The following EIF4E2 variants were observed in gnomAD, a reference collection of about 807,000 sequenced individuals.
EIF4E2 encodes the protein eukaryotic translation initiation factor 4E family member 2.
In EIF4E2, 13 loss-of-function variants were observed where a neutral mutation model predicts 34.2. The ratio of observed to expected loss-of-function variants is 0.38; its 90% CI spans 0.25 to 0.60. The LOEUF is 0.60. Among genes scored for constraint, EIF4E2 ranks in the 20% least tolerant of loss-of-function variants. The pLI is 0.62. For synonymous variants in EIF4E2, 100 were observed against 106.6 expected, an observed-to-expected ratio of 0.94 and a Z score of 0.38; for missense variants, 222 against 315.1, an observed-to-expected ratio of 0.70 and a Z score of 2.24.
At chr2:232,554,187 G>T (rs1692438685) in intron 1 of EIF4E2, among the ~76,000 whole-genome samples, 1 of 152,218 alleles carries the variant, frequency 6.6e-6, no homozygotes, top group African/African-American at 2.4e-5. Flanking sequence ...CTCAGCCTAG[G>T]TTGGAAGAGG....
downstream of EIF4E2, chr2:232,573,884 C>T (rs1168912890): frequency 2.5e-6 from 1 of 395,006 alleles, no homozygotes; most frequent in Non-Finnish European, 5.0e-6. Flanking sequence ...CACCTGTGCA[C>T]ACATAGGCAA....
intron 3 of EIF4E2, among the ~76,000 whole-genome samples, chr2:232,563,031 G>C (rs987519773): frequency 2.6e-5 from 4 of 152,180 alleles, no homozygotes; most frequent in Admixed American, 6.5e-5. Context: ...CTCCTTAGGT[G>C]CTCCCCATAT....
intron 1 of EIF4E2, among the ~76,000 whole-genome samples, chr2:232,551,445 C>T (rs551063380): frequency 1.3e-5 from 2 of 152,328 alleles, no homozygotes; most frequent in South Asian, 2.1e-4. Context: ...ACTTATCCCC[C>T]TCCAAGGATT....
Position 232,581,193 on chromosome 2 carries a change from G to T in EIF4E2, c.*250G>T. The T allele has an allele frequency of 1.6e-6, 1 of 608,476 alleles. No homozygotes were observed. 37.7% of individuals were successfully genotyped at this position (608,476 alleles called of 1,614,324 possible). On this transcript the variant is annotated 3_prime_UTR_variant, in exon 7 of 7. Coordinates refer to the EIF4E2 transcript ENST00000409098. The surrounding 1 kb of genome is among the most constrained non-coding windows in gnomAD (Gnocchi z 5.2). ...TTGTTTTTTAATGGGGTTCCATGGG[G>T]GGGCGTTCAGCCTTTCTGTTTGCTG...
At chr2:232,582,494 A>AT (rs1295645997) in exon 7 of EIF4E2, 1 of 152,212 alleles carries the variant, frequency 6.6e-6, no homozygotes, top group Non-Finnish European at 1.5e-5. Context: ...TCTAGCAGTG[A>AT]TTTAAACTCC....
intron 6 of EIF4E2, among the ~76,000 whole-genome samples, chr2:232,575,480 T>A (rs552630315): frequency 3.3e-5 from 5 of 152,378 alleles, no homozygotes; most frequent in African/African-American, 1.2e-4. Context: ...TCAACATTAG[T>A]GCCTGGTATC....
chr2:232,574,330 C>T, intron 6 of EIF4E2: 2 of 1,550,588 alleles, frequency 1.3e-6, no homozygotes, highest in South Asian at 1.2e-5. Context: ...CCCTCTGTCT[C>T]TCACACTCAG....
downstream of EIF4E2, among the ~76,000 whole-genome samples, chr2:232,573,287 T>C (rs1045232723): frequency 6.6e-6 from 1 of 152,192 alleles, no homozygotes; most frequent in Non-Finnish European, 1.5e-5. Context: ...ATGTAGTGTA[T>C]TGTCACCCTG....
At chr2:232,576,791 C>T (rs1199592357) in intron 6 of EIF4E2, among the ~76,000 whole-genome samples, 1 of 152,228 alleles carries the variant, frequency 6.6e-6, no homozygotes, top group Non-Finnish European at 1.5e-5. Flanking sequence ...TTTGTTGGGT[C>T]TGCCATTTTA....
downstream of EIF4E2, among the ~76,000 whole-genome samples, chr2:232,573,431 T>C (rs1483621516): frequency 1.3e-5 from 2 of 152,146 alleles, no homozygotes; most frequent in Non-Finnish European, 2.9e-5. Context: ...AGGGCTTAGG[T>C]AGGAAATCAG....
intron 6 of EIF4E2, among the ~76,000 whole-genome samples, chr2:232,575,770 T>C (rs1693196677): frequency 6.6e-6 from 1 of 152,338 alleles, no homozygotes; most frequent in Non-Finnish European, 1.5e-5. Flanking sequence ...AAATAAGATA[T>C]TAAGTTAAAT....
At chr2:232,554,171 C>A (rs1200943507) in intron 1 of EIF4E2, among the ~76,000 whole-genome samples, 2 of 152,142 alleles carry the variant, frequency 1.3e-5, no homozygotes, top group Non-Finnish European at 2.9e-5. Context: ...GAAGAGGAGA[C>A]CCCAACTCAG....
At chr2:232,555,943 C>CACTG (rs35572371) in intron 1 of EIF4E2, among the ~76,000 whole-genome samples, 118,230 of 151,792 alleles carry the variant, frequency 0.78, 46,756 homozygotes, top group Middle Eastern at 0.91. Flanking sequence ...TCAGGAAGAC[C>CACTG]AGGAATTTAT....
intron 3 of EIF4E2, among the ~76,000 whole-genome samples, chr2:232,562,590 C>CA (rs1317830022): frequency 1.3e-5 from 2 of 151,866 alleles, no homozygotes; most frequent in Non-Finnish European, 2.9e-5. Context: ...AACTCCATCT[C>CA]AAAAAAACAA....
At chr2:232,561,438 C>T (rs1309581860) in intron 3 of EIF4E2, among the ~76,000 whole-genome samples, 1 of 152,068 alleles carries the variant, frequency 6.6e-6, no homozygotes, top group Non-Finnish European at 1.5e-5. Flanking sequence ...TGGGTTAAGG[C>T]TTCATCCATG....
chr2:232,580,938 T>C, exon 7 of EIF4E2: 3 of 1,550,298 alleles, frequency 1.9e-6, no homozygotes, highest in South Asian at 1.2e-5. Flanking sequence ...AAAAATCACA[T>C]TGTGAGAGTA....
chr2:232,551,307 C>CCCGT, intron 1 of EIF4E2: 1 of 471,248 alleles, frequency 2.1e-6, no homozygotes, highest in Middle Eastern at 3.2e-4. Flanking sequence ...TCCTCCCCTT[C>CCCGT]CCGTTCCCGT....
At chr2:232,580,735 T>G (rs1001082277) in intron 6 of EIF4E2, among the ~76,000 whole-genome samples, 2 of 152,334 alleles carry the variant, frequency 1.3e-5, no homozygotes, top group Non-Finnish European at 2.9e-5. Context: ...TGCAAGGGAC[T>G]TGGGAGGTGG....
intron 6 of EIF4E2, among the ~76,000 whole-genome samples, chr2:232,579,378 A>T (rs537629688): frequency 2.8e-4 from 42 of 152,352 alleles, no homozygotes; most frequent in African/African-American, 9.9e-4. Flanking sequence ...CCATTGATAA[A>T]TGAACCACAT....
Sources: allele counts gnomAD v4.1 joint callset (sites outside exome capture counted in the v4.1 genomes callset), GRCh38; gene constraint gnomAD v4.1.1; non-coding constraint Gnocchi (gnomAD v3.1); transcripts MANE v1.5; gene names NCBI Gene and HGNC (gene_info 2026-07-23, HGNC 2026-07-21).